The following COL9A1 variants were observed in gnomAD, a reference collection of about 807,000 sequenced individuals.
The protein encoded by COL9A1 is collagen type IX alpha 1 chain, also known as collagen alpha-1(IX) chain.
In COL9A1, 104 loss-of-function variants were observed where a neutral mutation model predicts 142.6. That is an observed-to-expected ratio of 0.73 (90% CI 0.62 to 0.86). COL9A1 has a LOEUF of 0.86. Ranked by LOEUF, COL9A1 falls within the 40% of genes least tolerant of loss-of-function variation. COL9A1 has a pLI of 0.00. For synonymous variants in COL9A1, 466 were observed against 396.0 expected (o/e 1.18, Z -2.10); for missense variants, 1,210 against 1,176.6 (o/e 1.03, Z -0.42).
Position 70,280,801 on chromosome 6 carries a change from C to T in COL9A1, c.975+11G>A, listed in dbSNP as rs2127597140. The T allele has an allele frequency of 6.2e-7, 1 of 1,610,922 alleles. No homozygotes were observed. Among genetic ancestry groups the T allele is most frequent in the Non-Finnish European group, 8.5e-7 (1 of 1,178,844 alleles). ...CCAGGCTGGGCGCCCTCCCAGCACT[C>T]GCCTACTCACATCAGCGCCAGGTGT... On this transcript the variant is annotated intron_variant, in intron 10 of 37. Transcript: ENST00000357250.
In COL9A1 at chr6:70,254,947, A is replaced by G; in HGVS notation, c.1665+16T>C. 1 of 1,613,730 alleles carries G rather than the reference A, an allele frequency of 6.2e-7. No individual in the cohort carries two copies. The highest frequency in any genetic ancestry group is 8.5e-7 in the Non-Finnish European group (1 of 1,179,620). The stretch of plus-strand genomic sequence containing the variant: ...AGACAGCCCCACTCACTCTTGGAGT[A>G]AATTACACAGCCTACCTTTGTTCCA... On this transcript the variant is annotated intron_variant, in intron 24 of 37. Transcript: ENST00000357250.
chr6:70,285,350 T>G (rs997671663), intron 5 of COL9A1, among the ~76,000 whole-genome samples: 2 of 152,274 alleles, frequency 1.3e-5, no homozygotes, highest in African/African-American at 4.8e-5. Context: ...AACCGTTTTT[T>G]GGCATGAAAT....
chr6:70,236,258 A>ATT (rs373453974), intron 33 of COL9A1, among the ~76,000 whole-genome samples: 1 of 151,218 alleles, frequency 6.6e-6, no homozygotes, highest in Non-Finnish European at 1.5e-5. Flanking sequence ...TACAAGTTAG[A>ATT]TTTTTTTTTA....
intron 28 of COL9A1, chr6:70,245,735 A>T (rs1770553922): frequency 6.6e-6 from 1 of 152,280 alleles, no homozygotes; most frequent in Non-Finnish European, 1.5e-5. Context: ...TGGGTGGATC[A>T]CTTGAGATCA....
At chr6:70,302,164 T>C (rs991074993) in intron 1 of COL9A1, 90 bp from the exon 2 acceptor site, 5 of 777,572 alleles carry the variant, frequency 6.4e-6, no homozygotes, top group South Asian at 4.4e-5. Flanking sequence ...ACCTAATTAA[T>C]GTAAGGTGAT....
In COL9A1 at chr6:70,234,607, G is replaced by C. The variant is rs1769777872; in HGVS notation, c.2260-14C>G. The C allele has an allele frequency of 6.2e-7, 1 of 1,613,818 alleles. No homozygotes were observed. The highest frequency in any genetic ancestry group is 8.5e-7 in the Non-Finnish European group (1 of 1,179,936). Reference sequence around the variant, plus strand: ...CGGTGCTCTACCCTGGGACAGAAAAGAAAAAAAGGCAGTTTATGCATGAAA... The same window carrying C: ...CGGTGCTCTACCCTGGGACAGAAAACAAAAAAAGGCAGTTTATGCATGAAA... On this transcript the variant is annotated splice_polypyrimidine_tract_variant and intron_variant, in intron 34 of 37. Coordinates refer to ENST00000357250, the MANE Select transcript of COL9A1 (RefSeq NM_001851.6).
At chr6:70,300,931 G>A (rs771589476) in intron 2 of COL9A1, among the ~76,000 whole-genome samples, 2 of 152,014 alleles carry the variant, frequency 1.3e-5, no homozygotes, top group Non-Finnish European at 2.9e-5. Flanking sequence ...CAGATATAGG[G>A]GCCTGGGGAA....
At chr6:70,239,664 T>C (rs1770123447) in intron 32 of COL9A1, among the ~76,000 whole-genome samples, 1 of 152,224 alleles carries the variant, frequency 6.6e-6, no homozygotes, top group Non-Finnish European at 1.5e-5. Flanking sequence ...ATGACTTCAT[T>C]TTTGTAATTC....
chr6:70,218,428 A>G (rs1274060706), intron 37 of COL9A1, among the ~76,000 whole-genome samples: 2 of 152,208 alleles, frequency 1.3e-5, no homozygotes, highest in African/African-American at 4.8e-5. Flanking sequence ...ACAAAGAGGA[A>G]TTTCTGCTGA....
At chr6:70,283,280 G>C in intron 6 of COL9A1, 2 of 1,406,246 alleles carry the variant, frequency 1.4e-6, no homozygotes, top group Non-Finnish European at 1.9e-6. Context: ...AGGGGAGGAC[G>C]GATAGAATGA....
chr6:70,221,728 G>T (rs1768891145), intron 37 of COL9A1, among the ~76,000 whole-genome samples: 1 of 152,146 alleles, frequency 6.6e-6, no homozygotes, highest in African/African-American at 2.4e-5. Context: ...CCTAGTGAGT[G>T]CACAAAGAGG....
chr6:70,242,020 G>T lies in COL9A1; in HGVS notation c.1942C>A (p.Pro648Thr), dbSNP rs1030380513. Residue 648 changes from proline to threonine, a missense_variant, in exon 30 of 38, where the codon CCT (proline) becomes ACT (threonine). Coordinates refer to ENST00000357250, the MANE Select transcript of COL9A1 (RefSeq NM_001851.6). ...LPGKLGSLGSPGLPGLPGPPG... is the reference protein window; with the variant it reads ...LPGKLGSLGSTGLPGLPGPPG... ...GGCCCAGGCAAGCCAGGGAGGCCAG[G>T]GCTACCCAGAGAACCCTGGAAAGCA... The T allele has an allele frequency of 6.3e-6, 10 of 1,596,848 alleles. No individual in the cohort carries two copies. The highest frequency in any genetic ancestry group is 8.5e-6 in the Non-Finnish European group (10 of 1,170,408).
In COL9A1 at chr6:70,216,619, G is replaced by A. The variant is rs963219651; in HGVS notation, c.*278C>T. ...CTAAAGCTCAAGATCCTGGGAACAG[G>A]AGTATAAATTTATTCAAGGGAGGTG... On this transcript the variant is annotated 3_prime_UTR_variant, in exon 38 of 38. Coordinates refer to ENST00000357250, the MANE Select transcript of COL9A1 (RefSeq NM_001851.6). 4 of 481,706 alleles carry A rather than the reference G, an allele frequency of 8.3e-6. No homozygotes were observed. Among genetic ancestry groups the A allele is most frequent in the Non-Finnish European group, 1.5e-5 (4 of 263,830 alleles). The allele number at this position is 481,706 out of a possible 1,614,324, so 29.8% of individuals were successfully genotyped here. A position where few individuals can be genotyped will look rare whatever the true frequency, so the allele number is the denominator to read the frequency against.
At position 70,216,618 on chromosome 6, in the gene COL9A1, G is replaced by C; in HGVS notation, c.*279C>G. 2.1e-6 allele frequency: 1 copy of C among 480,100 alleles called. No individual in the cohort carries two copies. Among genetic ancestry groups the C allele is most frequent in the South Asian group, 2.2e-5 (1 of 46,124 alleles). 29.7% of individuals were successfully genotyped at this position (480,100 alleles called of 1,614,324 possible). On this transcript the variant is annotated 3_prime_UTR_variant, in exon 38 of 38. Coordinates refer to ENST00000357250, the MANE Select transcript of COL9A1 (RefSeq NM_001851.6). ...ACTAAAGCTCAAGATCCTGGGAACA[G>C]GAGTATAAATTTATTCAAGGGAGGT...
chr6:70,302,604 T>G (rs1400832270), intron 1 of COL9A1, among the ~76,000 whole-genome samples: 1 of 152,204 alleles, frequency 6.6e-6, no homozygotes, highest in Non-Finnish European at 1.5e-5. Flanking sequence ...CTTCTCGGTA[T>G]CTACCTATCT....
Position 70,294,629 on chromosome 6 carries a change from TC to T in COL9A1, c.300-67del, listed in dbSNP as rs3840415. 126,033 of 1,520,298 alleles carry T rather than the reference TC, an allele frequency of 0.083. 7,174 individuals are homozygous for T. Among genetic ancestry groups the T allele is most frequent in the East Asian group, 0.25 (11,250 of 44,318 alleles). The allele number at this position is 1,520,298 out of a possible 1,614,324, so 94.2% of individuals were successfully genotyped here. A position where few individuals can be genotyped will look rare whatever the true frequency, so the allele number is the denominator to read the frequency against. On this transcript the variant is annotated intron_variant, in intron 4 of 37. Transcript: ENST00000357250. ...CTGTACCCATATGTATTTACCACAT[TC>T]CCTTTTGAGGCCATTTTAGATGCCA...
At chr6:70,283,039 G>T (rs1337962245) in intron 6 of COL9A1, 121 bp from the exon 7 acceptor site, 1 of 1,603,956 alleles carries the variant, frequency 6.2e-7, no homozygotes, top group Non-Finnish European at 8.5e-7. Context: ...GCGGTCCCGC[G>T]CAGTCCAGGC....
intron 4 of COL9A1, among the ~76,000 whole-genome samples, chr6:70,297,546 G>T (rs991603738): frequency 1.4e-4 from 21 of 151,984 alleles, no homozygotes; most frequent in African/African-American, 5.1e-4. Context: ...GTCTTTTCTT[G>T]GAATACCCGA....
intron 36 of COL9A1, among the ~76,000 whole-genome samples, chr6:70,226,403 T>A (rs1769231844): frequency 6.6e-6 from 1 of 152,136 alleles, no homozygotes; most frequent in African/African-American, 2.4e-5. Context: ...GACGCCTACT[T>A]TATCACTAAT....
Sources: allele counts gnomAD v4.1 joint callset (sites outside exome capture counted in the v4.1 genomes callset), GRCh38; gene constraint gnomAD v4.1.1; transcripts MANE v1.5; gene names NCBI Gene and HGNC (gene_info 2026-07-23, HGNC 2026-07-21).